Variants in CAMSAP2 observed in about 807,000 individuals in gnomAD.
CAMSAP2 encodes calmodulin-regulated spectrin-associated protein 2.
CAMSAP2 carries 26 observed loss-of-function variants against 146.1 expected under a neutral mutation model. The ratio of observed to expected loss-of-function variants is 0.18; its 90% confidence interval spans 0.13 to 0.25. The LOEUF is 0.25. Among genes scored for constraint, CAMSAP2 ranks in the 10% least tolerant of loss-of-function variants. The pLI, the probability that CAMSAP2 is intolerant of heterozygous loss-of-function variation, is 1.00. For synonymous variants in CAMSAP2, 499 were observed against 596.6 expected, an observed-to-expected ratio of 0.84 and a Z score of 2.38; for missense variants, 1,381 against 1,759.3, an observed-to-expected ratio of 0.78 and a Z score of 3.85.
In CAMSAP2 at chr1:200,761,735, C is replaced by CAA. The variant is rs34309759; in HGVS notation, c.399+652_399+653dup. 2.3e-3 allele frequency among the ~76,000 whole-genome samples: 239 copies of CAA among 102,770 alleles called. No homozygotes were observed. The East Asian group carries it at 0.037, about 16-fold the overall frequency. The allele number at this position is 102,770 out of a possible 152,430, so 67.4% of individuals were successfully genotyped here. On this transcript the variant is annotated intron_variant, in intron 2 of 16. Transcript: ENST00000358823. Reference sequence around the variant, plus strand: ...GGGCAACAAGAGCAAAACTCTGTCTCAAAAAAAAAAAAAAAAGCTCATTTA... The same window carrying CAA: ...GGGCAACAAGAGCAAAACTCTGTCTCAAAAAAAAAAAAAAAAAAGCTCATTTA...
Position 200,784,974 on chromosome 1 carries a change from C to G in CAMSAP2, c.400-22402C>G, listed in dbSNP as rs544082042. On this transcript the variant is annotated intron_variant, in intron 2 of 16. Coordinates refer to ENST00000358823, the MANE Select transcript of CAMSAP2 (RefSeq NM_203459.4). ...TTTATGTTTTTAAAATCATGAATAACTGCTGTATTTTTCAAATGCTTTTTC... is the reference window on the plus strand; with the variant it reads ...TTTATGTTTTTAAAATCATGAATAAGTGCTGTATTTTTCAAATGCTTTTTC... Among the ~76,000 whole-genome samples, 5 of 152,312 alleles carry G rather than the reference C, an allele frequency of 3.3e-5. No homozygotes were observed. The South Asian group carries it at 1.0e-3, about 32-fold the overall frequency.
intron 1 of CAMSAP2, among the ~76,000 whole-genome samples, chr1:200,753,133 A>G (rs1664555444): frequency 1.3e-5 from 2 of 151,710 alleles, no homozygotes; most frequent in African/African-American, 4.8e-5. Flanking sequence ...CATCTCTACT[A>G]AGTGGTGTGT....
rs935652424 is a variant in CAMSAP2, at chr1:200,832,927, G to A, written c.927+82G>A. 8.1e-7 allele frequency: 1 copy of A among 1,234,200 alleles called. No individual in the cohort carries two copies. The highest frequency in any genetic ancestry group is 1.5e-5 in the African/African-American group (1 of 64,780). The allele number at this position is 1,234,200 out of a possible 1,614,324, so 76.5% of individuals were successfully genotyped here. A position where few individuals can be genotyped will look rare whatever the true frequency, so the allele number is the denominator to read the frequency against. Reference sequence around the variant, plus strand: ...AACAAACAAAAACACCGGGAACAGTGGCTCATGCCTGTAATCCCAGTACTT... The same window carrying A: ...AACAAACAAAAACACCGGGAACAGTAGCTCATGCCTGTAATCCCAGTACTT... On this transcript the variant is annotated intron_variant, in intron 6 of 16. Transcript: ENST00000358823. This position sits in a 1 kb window ranked among gnomAD's most constrained non-coding sequence, Gnocchi z 4.2.
chr1:200,762,592 A>G (rs1018474346), intron 2 of CAMSAP2, among the ~76,000 whole-genome samples: 1 of 152,226 alleles, frequency 6.6e-6, no homozygotes. Flanking sequence ...CACATCCATG[A>G]CTTTGTGAAG....
chr1:200,833,626 TA>T (rs1179413815), intron 6 of CAMSAP2, among the ~76,000 whole-genome samples: 1 of 152,146 alleles, frequency 6.6e-6, no homozygotes, highest in Non-Finnish European at 1.5e-5. Context: ...AAATAGAGAA[TA>T]AGCCATTAAA....
At chr1:200,791,691 G>C (rs1665757412) in intron 2 of CAMSAP2, among the ~76,000 whole-genome samples, 1 of 152,112 alleles carries the variant, frequency 6.6e-6, no homozygotes, top group Non-Finnish European at 1.5e-5. Flanking sequence ...ACCTGTGATT[G>C]TTATTCTTTT....
rs972363555 is a variant in CAMSAP2 at position 200,860,427 on chromosome 1, C to T, written c.*2368C>T. 6.6e-6 allele frequency: 1 copy of T among 152,668 alleles called. No individual in the cohort carries two copies. Among genetic ancestry groups the T allele is most frequent in the Non-Finnish European group, 1.5e-5 (1 of 68,008 alleles). 9.5% of individuals were successfully genotyped at this position (152,668 alleles called of 1,614,324 possible). ...TGTCAAATTCTGCTATTTGACACAG[C>T]TTTGGAAAGATTTAGTTCTTGGTTT... On this transcript the variant is annotated 3_prime_UTR_variant, in exon 17 of 17. Transcript: ENST00000358823.
chr1:200,816,923 TAC>T lies in CAMSAP2; in HGVS notation c.645+1288_645+1289del, dbSNP rs199943688. ...ACACACACACGCGTGTGTATGTGTG[TAC>T]ACACACACGCGTGTGTATGTGTGTA... is the stretch of plus-strand genomic sequence containing the variant. On this transcript the variant is annotated intron_variant, in intron 4 of 16. Coordinates refer to ENST00000358823, the MANE Select transcript of CAMSAP2 (RefSeq NM_203459.4). 3.2e-4 allele frequency among the ~76,000 whole-genome samples: 20 copies of T among 62,350 alleles called. 5 individuals are homozygous for T. Among genetic ancestry groups the T allele is most frequent in the African/African-American group, 6.4e-4 (10 of 15,710 alleles). The allele number at this position is 62,350 out of a possible 152,430, so 40.9% of individuals were successfully genotyped here. A position where few individuals can be genotyped will look rare whatever the true frequency, so the allele number is the denominator to read the frequency against.
intron 8 of CAMSAP2, among the ~76,000 whole-genome samples, chr1:200,846,013 T>C (rs576472356): frequency 6.6e-6 from 1 of 152,354 alleles, no homozygotes; most frequent in African/African-American, 2.4e-5. Context: ...CTACAATTTA[T>C]ATTGACTTTG....
At position 200,739,054 on chromosome 1, in the gene CAMSAP2, G is replaced by A. The variant is rs941477738; in HGVS notation, c.-774G>A. On this transcript the variant is annotated 5_prime_UTR_variant, in exon 1 of 17. Transcript: ENST00000358823. The surrounding 1 kb of genome is among the most constrained non-coding windows in gnomAD (Gnocchi z 4.8). ...AGGAACTGAGAGCTTGGGATTCGCGGCCTCTCCCCGGCCACCACCTTCGCC... is the reference window on the plus strand; with the variant it reads ...AGGAACTGAGAGCTTGGGATTCGCGACCTCTCCCCGGCCACCACCTTCGCC... Among the ~76,000 whole-genome samples, 2 of 152,092 alleles carry A rather than the reference G, an allele frequency of 1.3e-5. No individual in the cohort carries two copies. The highest frequency in any genetic ancestry group is 2.9e-5 in the Non-Finnish European group (2 of 68,000).
chr1:200,825,500 T>C (rs563720125), intron 4 of CAMSAP2, among the ~76,000 whole-genome samples: 25 of 151,860 alleles, frequency 1.6e-4, no homozygotes, highest in African/African-American at 6.0e-4. Context: ...TTTCTTTCTT[T>C]CTTTCTTCCT....
intron 1 of CAMSAP2, among the ~76,000 whole-genome samples, chr1:200,742,755 T>A (rs1366264815): frequency 1.3e-5 from 2 of 152,092 alleles, no homozygotes; most frequent in Non-Finnish European, 2.9e-5. Flanking sequence ...TTTGATGTAC[T>A]GAAAAAGTAG....
intron 3 of CAMSAP2, among the ~76,000 whole-genome samples, chr1:200,808,228 A>C (rs1666234522): frequency 6.6e-6 from 1 of 152,178 alleles, no homozygotes; most frequent in African/African-American, 2.4e-5. Context: ...ACCAAGTTGC[A>C]CAAGATCCTA....
At chr1:200,845,838 A>C (rs1667448186) in intron 8 of CAMSAP2, among the ~76,000 whole-genome samples, 1 of 152,238 alleles carries the variant, frequency 6.6e-6, no homozygotes, top group South Asian at 2.1e-4. Context: ...ATGTTTTAGT[A>C]CATAGTATTA....
Position 200,832,859 on chromosome 1 carries a change from T to C in CAMSAP2, c.927+14T>C. On this transcript the variant is annotated intron_variant, in intron 6 of 16. Transcript: ENST00000358823. The surrounding 1 kb of genome is among the most constrained non-coding windows in gnomAD (Gnocchi z 4.2). ...TCATCCATAAAGGTAAATTAAATTA[T>C]TCTTTTTTTCCCTTTGCTTTGTTAA... 1 of 1,547,656 alleles carries C rather than the reference T, an allele frequency of 6.5e-7. No homozygotes were observed. Among genetic ancestry groups the C allele is most frequent in the Non-Finnish European group, 8.7e-7 (1 of 1,150,654 alleles).
chr1:200,812,674 A>G (rs1571783085), intron 3 of CAMSAP2, among the ~76,000 whole-genome samples: 1 of 152,256 alleles, frequency 6.6e-6, no homozygotes, highest in Admixed American at 6.5e-5. Flanking sequence ...TGGCAATAAC[A>G]TGGCTAAAAT....
intron 14 of CAMSAP2, among the ~76,000 whole-genome samples, chr1:200,855,711 C>T (rs145759918): frequency 0.017 from 2,660 of 152,138 alleles, 50 homozygotes; most frequent in Middle Eastern, 0.034. Context: ...ATTCTTCTGC[C>T]TCAGCCTCCT....
At chr1:200,819,347 T>A (rs548736789) in intron 4 of CAMSAP2, among the ~76,000 whole-genome samples, 9 of 152,346 alleles carry the variant, frequency 5.9e-5, no homozygotes, top group African/African-American at 2.2e-4. Flanking sequence ...CTAATTAAAT[T>A]TGAATGCCAG....
At chr1:200,781,054 C>T (rs1022153129) in intron 2 of CAMSAP2, among the ~76,000 whole-genome samples, 3 of 152,066 alleles carry the variant, frequency 2.0e-5, no homozygotes, top group Non-Finnish European at 4.4e-5. Flanking sequence ...AACTTTTTTT[C>T]AGGGAATTTT....
Sources: gnomAD v4.1 joint callset for allele counts (sites outside exome capture counted in the v4.1 genomes callset) on GRCh38, gnomAD v4.1.1 for gene constraint, Gnocchi (gnomAD v3.1) non-coding constraint, MANE v1.5 for transcripts, NCBI Gene and HGNC (gene_info 2026-07-23, HGNC 2026-07-21) for gene names.